Variants in LOC400499 observed in about 807,000 individuals in gnomAD.
the LOC400499 span, chr16:11,443,344 A>T: frequency 2.6e-6 from 1 of 383,454 alleles, no homozygotes. Context: ...AAAAAAAAAA[A>T]AAAAAAAAAA....
At chr16:11,408,918 T>C in the LOC400499 span, among the ~76,000 whole-genome samples, 1 of 152,054 alleles carries the variant, frequency 6.6e-6, no homozygotes, top group African/African-American at 2.4e-5. Flanking sequence ...TATGTGGGTA[T>C]GCACTGTAAA....
the LOC400499 span, among the ~76,000 whole-genome samples, chr16:11,462,741 C>T: frequency 6.6e-6 from 1 of 152,118 alleles, no homozygotes; most frequent in Admixed American, 6.5e-5. Flanking sequence ...ATTTTTTAAA[C>T]TCTGGATTTC....
At chr16:11,387,939 T>C in the LOC400499 span, among the ~76,000 whole-genome samples, 3 of 152,036 alleles carry the variant, frequency 2.0e-5, no homozygotes, top group African/African-American at 7.2e-5. Flanking sequence ...GTCTAGAAAA[T>C]TTCTACAGTT....
chr16:11,403,035 G>C, the LOC400499 span, among the ~76,000 whole-genome samples: 1 of 151,904 alleles, frequency 6.6e-6, no homozygotes, highest in Non-Finnish European at 1.5e-5. Context: ...CCACACCCCG[G>C]GTTTTCTTCC....
At chr16:11,375,281 T>A in the LOC400499 span, among the ~76,000 whole-genome samples, 1 of 141,526 alleles carries the variant, frequency 7.1e-6, no homozygotes, top group African/African-American at 2.8e-5. Flanking sequence ...ATTACAGCCA[T>A]CCTAATGGGT....
chr16:11,525,724 A>G, the LOC400499 span, among the ~76,000 whole-genome samples: 1 of 152,204 alleles, frequency 6.6e-6, no homozygotes, highest in Non-Finnish European at 1.5e-5. Context: ...AGCCACCATG[A>G]CCTGCAGAAG....
the LOC400499 span, among the ~76,000 whole-genome samples, chr16:11,521,317 AG>A: frequency 6.6e-6 from 1 of 152,220 alleles, no homozygotes; most frequent in African/African-American, 2.4e-5. Flanking sequence ...GAAAAATATG[AG>A]GGTTATCAGA....
the LOC400499 span, among the ~76,000 whole-genome samples, chr16:11,489,713 CCT>C: frequency 1.8e-4 from 27 of 152,174 alleles, no homozygotes; most frequent in Admixed American, 1.3e-3. Flanking sequence ...CAGCTGATCC[CCT>C]GAGGAGGGGT....
the LOC400499 span, among the ~76,000 whole-genome samples, chr16:11,442,916 G>T: frequency 6.6e-6 from 1 of 152,128 alleles, no homozygotes; most frequent in Non-Finnish European, 1.5e-5. Flanking sequence ...TTATCCCCGG[G>T]GAGCCACACG....
At chr16:11,518,551 C>G in the LOC400499 span, among the ~76,000 whole-genome samples, 5 of 152,148 alleles carry the variant, frequency 3.3e-5, no homozygotes, top group South Asian at 1.0e-3. Context: ...GGGTGATCGG[C>G]AGGTGTGAAA....
At chr16:11,432,386 C>T in the LOC400499 span, among the ~76,000 whole-genome samples, 278 of 152,330 alleles carry the variant, frequency 1.8e-3, no homozygotes, top group African/African-American at 6.4e-3. Flanking sequence ...GCACTTTAGA[C>T]ACATTGTCTG....
the LOC400499 span, among the ~76,000 whole-genome samples, chr16:11,413,723 T>G: frequency 2.0e-5 from 3 of 152,194 alleles, no homozygotes; most frequent in South Asian, 2.1e-4. Context: ...CATCAGCATC[T>G]TCTTCTTCAT....
At chr16:11,420,747 G>A in the LOC400499 span, among the ~76,000 whole-genome samples, 91 of 152,134 alleles carry the variant, frequency 6.0e-4, no homozygotes, top group Admixed American at 1.2e-3. Context: ...AATGAGCCGC[G>A]GCCCAGCCGT....
chr16:11,393,182 C>CG, the LOC400499 span, among the ~76,000 whole-genome samples: 2 of 143,364 alleles, frequency 1.4e-5, no homozygotes, highest in African/African-American at 5.2e-5. Context: ...TAAGTAGAGA[C>CG]GGGGTCTCAC....
chr16:11,441,912 C>T, the LOC400499 span, among the ~76,000 whole-genome samples: 6 of 152,152 alleles, frequency 3.9e-5, no homozygotes, highest in Non-Finnish European at 8.8e-5. Context: ...AAATCTGTGG[C>T]GTTTTAAACC....
chr16:11,384,346 G>T, the LOC400499 span: 1 of 1,212,790 alleles, frequency 8.2e-7, no homozygotes. Context: ...GAGGGAAGCG[G>T]AGGCCGGCCG....
chr16:11,374,760 A>G, the LOC400499 span, among the ~76,000 whole-genome samples: 1 of 152,182 alleles, frequency 6.6e-6, no homozygotes, highest in Non-Finnish European at 1.5e-5. Context: ...GCCGTTGTGA[A>G]TAATGCTGCT....
chr16:11,487,901 G>A, the LOC400499 span, among the ~76,000 whole-genome samples: 1 of 152,034 alleles, frequency 6.6e-6, no homozygotes, highest in South Asian at 2.1e-4. Flanking sequence ...ATCACTTAAG[G>A]CCAGGGGTTC....
At chr16:11,423,682 C>T in the LOC400499 span, among the ~76,000 whole-genome samples, 6 of 152,336 alleles carry the variant, frequency 3.9e-5, no homozygotes, top group Admixed American at 1.3e-4. Flanking sequence ...GGACAGGCAC[C>T]GAGGTGGTTT....
Sources: gnomAD v4.1 joint callset for allele counts (sites outside exome capture counted in the v4.1 genomes callset) on GRCh38, gnomAD v4.1.1 for gene constraint, MANE v1.5 for transcripts.